TRAPPC8: variants seen among roughly 807,000 people sequenced by gnomAD.
TRAPPC8 encodes the protein trafficking protein particle complex subunit 8.
TRAPPC8 carries 54 observed loss-of-function variants against 174.3 expected under a neutral mutation model. The ratio of observed to expected loss-of-function variants is 0.31; its 90% CI spans 0.25 to 0.39. The LOEUF (loss-of-function observed/expected upper bound fraction) is 0.39. Among genes scored for constraint, TRAPPC8 ranks in the 10% least tolerant of loss-of-function variants. The probability of loss-of-function intolerance (pLI) is 1.00; values close to 1 mark genes in which losing one functional copy is unlikely to be tolerated. For missense variants in TRAPPC8, 1,531 were observed against 1,699.1 expected (o/e 0.90, Z 1.74); for synonymous variants, 630 against 579.9 (o/e 1.09, Z -1.24).
In TRAPPC8 at chr18:31,925,225, A is replaced by C. The variant is rs547979786; in HGVS notation, c.352+6104T>G. ...CAACATGAAAAAAATCAAAACAAAT[A>C]AAAATAATACGAATGAAAAAAAAAG... On this transcript the variant is annotated intron_variant, in intron 2 of 28. Coordinates refer to ENST00000283351, the MANE Select transcript of TRAPPC8 (RefSeq NM_014939.5). Among the ~76,000 whole-genome samples, 8 of 152,136 alleles carry C rather than the reference A, an allele frequency of 5.3e-5. No homozygotes were observed. In the East Asian group the frequency reaches 1.5e-3, roughly 29 times the overall value.
intron 12 of TRAPPC8, among the ~76,000 whole-genome samples, chr18:31,890,246 A>C (rs1448866829): frequency 6.6e-6 from 1 of 152,194 alleles, no homozygotes; most frequent in African/African-American, 2.4e-5. Flanking sequence ...TCTCTACATC[A>C]GTAAAGATCC....
At chr18:31,855,417 G>T (rs1055500174) in intron 21 of TRAPPC8, among the ~76,000 whole-genome samples, 17 of 152,080 alleles carry the variant, frequency 1.1e-4, no homozygotes, top group Non-Finnish European at 1.6e-4. Context: ...TGAATTAATG[G>T]AACTATATAG....
chr18:31,857,027 T>C (rs2034057735), intron 20 of TRAPPC8, among the ~76,000 whole-genome samples: 2 of 152,180 alleles, frequency 1.3e-5, no homozygotes, highest in South Asian at 2.1e-4. Context: ...AGATCCTGGA[T>C]GAGCCAGTTA....
chr18:31,896,596 C>T (rs1350951146), intron 11 of TRAPPC8, among the ~76,000 whole-genome samples: 1 of 152,010 alleles, frequency 6.6e-6, no homozygotes, highest in East Asian at 1.9e-4. Context: ...ATTTAAGATG[C>T]CTTGGAAACA....
chr18:31,887,878 G>A (rs868771468), intron 12 of TRAPPC8, among the ~76,000 whole-genome samples: 1 of 151,986 alleles, frequency 6.6e-6, no homozygotes. Context: ...AGAAATAAAG[G>A]GTATTCAAAT....
In TRAPPC8 at chr18:31,864,612, T is replaced by A. The variant is rs368679469; in HGVS notation, c.2745+15A>T. 6.2e-7 allele frequency: 1 copy of A among 1,603,664 alleles called. No individual in the cohort carries two copies. Among genetic ancestry groups the A allele is most frequent in the African/African-American group, 1.3e-5 (1 of 74,234 alleles). On this transcript the variant is annotated intron_variant, in intron 19 of 28. Transcript: ENST00000283351. ...TAGATAAATTAAGTCCATGAAATTT[T>A]AAAAAGTGAAATACCTCCAACAGTG... is the stretch of plus-strand genomic sequence containing the variant.
intron 28 of TRAPPC8, 41 bp from the exon 29 acceptor site, chr18:31,831,030 TTTTAA>T (rs2032334437): frequency 6.5e-7 from 1 of 1,548,668 alleles, no homozygotes; most frequent in Non-Finnish European, 8.8e-7. Flanking sequence ...ATTTTTTTCT[TTTTAA>T]TTTTTTTCCC....
At chr18:31,854,980 A>AAG (rs1253965976) in intron 21 of TRAPPC8, among the ~76,000 whole-genome samples, 1 of 150,368 alleles carries the variant, frequency 6.7e-6, no homozygotes, top group Non-Finnish European at 1.5e-5. Flanking sequence ...AAAAAAAAAA[A>AAG]AAAAAAAGAA....
chr18:31,890,719 A>C lies in TRAPPC8; in HGVS notation c.1728+16T>G, dbSNP rs755724968. ...AAATAAATAGCAACTTTTCATTGTA[A>C]AGCAAATGCACTCACCTGCCCTGCT... On this transcript the variant is annotated intron_variant, in intron 12 of 28. Coordinates refer to ENST00000283351, the MANE Select transcript of TRAPPC8 (RefSeq NM_014939.5). 2 of 1,593,546 alleles carry C rather than the reference A, an allele frequency of 1.3e-6. No homozygotes were observed. Among genetic ancestry groups the C allele is most frequent in the Admixed American group, 3.6e-5 (2 of 55,364 alleles).
intron 19 of TRAPPC8, among the ~76,000 whole-genome samples, chr18:31,861,943 G>T (rs1366821255): frequency 2.2e-5 from 3 of 136,672 alleles, no homozygotes; most frequent in Non-Finnish European, 3.1e-5. Context: ...AAAAGGGGGG[G>T]GGGGGCGGTG....
At chr18:31,942,490 G>T in intron 1 of TRAPPC8, 118 bp downstream of exon 1, 1 of 1,313,466 alleles carries the variant, frequency 7.6e-7, no homozygotes, top group Non-Finnish European at 9.9e-7. Flanking sequence ...AGCCCCAGAC[G>T]CCACGGTACC....
At chr18:31,878,650 T>C (rs987757539) in intron 12 of TRAPPC8, among the ~76,000 whole-genome samples, 1 of 152,126 alleles carries the variant, frequency 6.6e-6, no homozygotes, top group African/African-American at 2.4e-5. Context: ...ACCTCACTTA[T>C]CAATATTAAC....
At chr18:31,852,821 C>T (rs941762965) in intron 22 of TRAPPC8, 158 bp from the exon 23 acceptor site, 9 of 652,912 alleles carry the variant, frequency 1.4e-5, no homozygotes, top group Non-Finnish European at 2.1e-5. Flanking sequence ...AATGAAATGA[C>T]CTCTTAAAAA....
At chr18:31,859,074 C>G (rs963015782) in intron 19 of TRAPPC8, among the ~76,000 whole-genome samples, 7 of 151,452 alleles carry the variant, frequency 4.6e-5, no homozygotes, top group Admixed American at 1.3e-4. Flanking sequence ...GCCTGGGTGA[C>G]AGAGTGAGAC....
rs150358567 is a variant in TRAPPC8 at position 31,850,741 on chromosome 18, T to C, written c.3562-1002A>G. Among the ~76,000 whole-genome samples the C allele has an allele frequency of 4.6e-5, 7 of 152,316 alleles. No homozygotes were observed. In the East Asian group the frequency reaches 7.7e-4, roughly 17 times the overall value. On this transcript the variant is annotated intron_variant, in intron 24 of 28. Coordinates refer to ENST00000283351, the MANE Select transcript of TRAPPC8 (RefSeq NM_014939.5). ...TCCCCATAGTTTTCTCATTAATCTG[T>C]AGTGCTTGGCAAGTTCTATTTATTC...
intron 14 of TRAPPC8, 54 bp downstream of exon 14, chr18:31,873,374 AAG>A: frequency 7.2e-7 from 1 of 1,396,888 alleles, no homozygotes; most frequent in Non-Finnish European, 9.9e-7. Flanking sequence ...GAGAAAGGAA[AAG>A]AAGTTTTTTT....
At chr18:31,907,374 C>G (rs1234396585) in intron 9 of TRAPPC8, 86 bp downstream of exon 9, 2 of 1,328,658 alleles carry the variant, frequency 1.5e-6, no homozygotes, top group African/African-American at 3.0e-5. Context: ...AACTTTATCC[C>G]TAAGGATTCT....
intron 12 of TRAPPC8, among the ~76,000 whole-genome samples, chr18:31,875,818 AAGAC>A (rs2035113204): frequency 6.6e-6 from 1 of 152,256 alleles, no homozygotes; most frequent in East Asian, 2.0e-4. Flanking sequence ...GGTACACAGA[AAGAC>A]AGATCCTGCA....
intron 5 of TRAPPC8, among the ~76,000 whole-genome samples, chr18:31,913,009 T>A (rs1455422004): frequency 6.6e-6 from 1 of 151,862 alleles, no homozygotes; most frequent in Non-Finnish European, 1.5e-5. Flanking sequence ...GTGCCTGTAA[T>A]CCCATGTACT....
Sources: allele counts gnomAD v4.1 joint callset (sites outside exome capture counted in the v4.1 genomes callset), GRCh38; gene constraint gnomAD v4.1.1; transcripts MANE v1.5; gene names NCBI Gene and HGNC (gene_info 2026-07-23, HGNC 2026-07-21).